Variants in ZSCAN32 observed in about 807,000 individuals in gnomAD.
The protein encoded by ZSCAN32 is zinc finger and SCAN domain-containing protein 32.
A neutral mutation model predicts 47.4 loss-of-function variants in ZSCAN32; 52 were observed. The observed-to-expected ratio is 1.10, with a 90% CI of 0.88 to 1.38. The LOEUF (loss-of-function observed/expected upper bound fraction) is 1.38, where lower values mean the gene tolerates loss of function less well. ZSCAN32 is among the 40% of genes most tolerant of loss of function. The pLI is 0.00. For missense variants in ZSCAN32, 959 were observed against 846.0 expected (o/e 1.13, Z -1.66); for synonymous variants, 346 against 305.7 (o/e 1.13, Z -1.38).
chr16:3,396,290 CT>C (rs2150905804), intron 2 of ZSCAN32, among the ~76,000 whole-genome samples: 1 of 152,316 alleles, frequency 6.6e-6, no homozygotes, highest in Non-Finnish European at 1.5e-5. Context: ...CTCTTCCCCT[CT>C]CTAAATTAAG....
Position 3,397,260 on chromosome 16 carries a change from G to A in ZSCAN32, c.298C>T (p.Gln100Ter). The change falls in exon 2 of 7, where the codon CAG (glutamine) becomes TAG (stop). Residue 100 changes from glutamine to a stop codon, truncating the protein, a stop_gained. Transcript: ENST00000396852. LOFTEE classifies it high-confidence loss of function. ...GCTTCCTCGCCGTTTTCTGGATGCT[G>A]CTCCCTCACCCAGGTCTGGATCTCC... ...PEEIQTWVRE[Q>*]HPENGEEAVA... 6.4e-7 allele frequency: 1 copy of A among 1,567,216 alleles called. No individual in the cohort carries two copies. The highest frequency in any genetic ancestry group is 1.2e-5 in the South Asian group (1 of 85,364).
rs1287897853 is a variant in ZSCAN32, at chr16:3,397,263, C to T, written c.295G>A (p.Glu99Lys). Residue 99 changes from glutamate to lysine, a missense_variant, in exon 2 of 7, where the codon GAG becomes AAG. Coordinates refer to ENST00000396852, the MANE Select transcript of ZSCAN32 (RefSeq NM_001284527.2). ...TCCTCGCCGTTTTCTGGATGCTGCT[C>T]CCTCACCCAGGTCTGGATCTCCTCT... The part of the protein sequence containing the change: ...LPEEIQTWVR[E>K]QHPENGEEAV... The T allele has an allele frequency of 1.3e-6, 2 of 1,568,130 alleles. No homozygotes were observed. Among genetic ancestry groups the T allele is most frequent in the Non-Finnish European group, 8.6e-7 (1 of 1,156,716 alleles).
At position 3,385,844 on chromosome 16, in the gene ZSCAN32, G is replaced by A. The variant is rs879372305; in HGVS notation, c.752-903C>T. On this transcript the variant is annotated intron_variant, in intron 5 of 6. Coordinates refer to ENST00000396852, the MANE Select transcript of ZSCAN32 (RefSeq NM_001284527.2). ...TAGACCTAAAACCATAAAAACCCTA[G>A]AAGAAAACCTAGGCATTACCATTCA... is the stretch of plus-strand genomic sequence containing the variant. 3.6e-3 allele frequency among the ~76,000 whole-genome samples: 547 copies of A among 152,244 alleles called. 4 individuals are homozygous for A. Among genetic ancestry groups the A allele is most frequent in the Non-Finnish European group, 6.0e-3 (411 of 68,012 alleles).
rs151269457 is a variant in ZSCAN32, at chr16:3,384,784, T to C, written c.909A>G (p.Pro303=). 1.2e-5 allele frequency: 19 copies of C among 1,614,196 alleles called. No individual in the cohort carries two copies. The highest frequency in any genetic ancestry group is 8.9e-5 in the East Asian group (4 of 44,886). The part of the protein sequence containing the change: ...GLWEQGFLRT[P]EQCRTKFKSL... Reference sequence around the variant, plus strand: ...TTTTGAACTTGGTGCGACACTGTTCTGGGGTCCGCAGAAAACCCTGCTCCC... The same window carrying C: ...TTTTGAACTTGGTGCGACACTGTTCCGGGGTCCGCAGAAAACCCTGCTCCC... Residue 303 remains proline (P), a synonymous_variant, in exon 6 of 7, where the codon CCA becomes CCG. Coordinates refer to ENST00000396852, the MANE Select transcript of ZSCAN32 (RefSeq NM_001284527.2).
chr16:3,397,404 G>A lies in ZSCAN32; in HGVS notation c.154C>T (p.His52Tyr), dbSNP rs778312012. Residue 52 changes from histidine to tyrosine, a missense_variant, in exon 2 of 7, where the codon CAT becomes TAT. Physicochemically the swap from His to Tyr is moderately conservative, Grantham distance 83. Coordinates refer to ENST00000396852, the MANE Select transcript of ZSCAN32 (RefSeq NM_001284527.2). ...TCCCAGAGTTTGCTAAAAGCTTCATGTGGGCCAGTTACCTCCTGGTAGCAA... is the reference window on the plus strand; with the variant it reads ...TCCCAGAGTTTGCTAAAAGCTTCATATGGGCCAGTTACCTCCTGGTAGCAA... ...QFCYQEVTGP[H>Y]EAFSKLWELC... is the part of the protein sequence containing the mutation. The A allele has an allele frequency of 2.6e-5, 41 of 1,552,974 alleles. No individual in the cohort carries two copies. Among genetic ancestry groups the A allele is most frequent in the Admixed American group, 2.0e-5 (1 of 51,134 alleles).
rs141913816 is a variant in ZSCAN32 at position 3,384,465 on chromosome 16, T to C, written c.1228A>G (p.Arg410Gly). ...AGAGCCAAGGGAGTCTTACCAAGTCTGTTTGGGAACAGCACTGGCAGGTCT... is the reference window on the plus strand; with the variant it reads ...AGAGCCAAGGGAGTCTTACCAAGTCCGTTTGGGAACAGCACTGGCAGGTCT... ...KLDLPVLFPN[R>G]LGFEFKNEIK... is the part of the protein sequence containing the mutation. The change falls in exon 6 of 7, where the codon AGA becomes GGA. Residue 410 changes from arginine (R) to glycine (G), a missense_variant. Transcript: ENST00000396852. 3.7e-6 allele frequency: 6 copies of C among 1,614,058 alleles called. No individual in the cohort carries two copies. The highest frequency in any genetic ancestry group is 5.1e-6 in the Non-Finnish European group (6 of 1,180,022).
At position 3,382,784 on chromosome 16, in the gene ZSCAN32, T is replaced by C; in HGVS notation, c.*68A>G. Reference sequence around the variant, plus strand: ...TGCAAAGTCAGGGACTGGCTAGATCTCTCCACAGCAGAAGAAAGCTCATAC... The same window carrying C: ...TGCAAAGTCAGGGACTGGCTAGATCCCTCCACAGCAGAAGAAAGCTCATAC... On this transcript the variant is annotated 3_prime_UTR_variant, in exon 7 of 7. Coordinates refer to ENST00000396852, the MANE Select transcript of ZSCAN32 (RefSeq NM_001284527.2). 6.6e-7 allele frequency: 1 copy of C among 1,512,888 alleles called. No individual in the cohort carries two copies. The highest frequency in any genetic ancestry group is 8.8e-7 in the Non-Finnish European group (1 of 1,131,040). 93.7% of individuals were successfully genotyped at this position (1,512,888 alleles called of 1,614,324 possible).
At chr16:3,389,956 T>A in intron 5 of ZSCAN32, 54 bp downstream of exon 5, 1 of 1,520,740 alleles carries the variant, frequency 6.6e-7, no homozygotes, top group Non-Finnish European at 8.9e-7. Context: ...CCTTTCAGCC[T>A]CTCTGAACAA....
In ZSCAN32 at chr16:3,393,741, A is replaced by C; in HGVS notation, c.440T>G (p.Leu147Arg). The change falls in exon 3 of 7, where the codon CTG becomes CGG. Residue 147 changes from leucine (L) to arginine (R), a missense_variant. Coordinates refer to ENST00000396852, the MANE Select transcript of ZSCAN32 (RefSeq NM_001284527.2). ...MAPLGATRES[L>R]RSQWKQEVQP... ...AACCTCCTGTTTCCATTGGGATCTCAGTGATTCTCTGGTTGCTCCCAAAGG... is the reference window on the plus strand; with the variant it reads ...AACCTCCTGTTTCCATTGGGATCTCCGTGATTCTCTGGTTGCTCCCAAAGG... 1 of 1,550,470 alleles carries C rather than the reference A, an allele frequency of 6.4e-7. No homozygotes were observed. Among genetic ancestry groups the C allele is most frequent in the African/African-American group, 1.4e-5 (1 of 73,128 alleles).
At chr16:3,398,488 C>T (rs965602391) in intron 1 of ZSCAN32, among the ~76,000 whole-genome samples, 1 of 152,194 alleles carries the variant, frequency 6.6e-6, no homozygotes, top group Non-Finnish European at 1.5e-5. Context: ...TTAGCCGGTT[C>T]TGTGCGTATT....
intron 1 of ZSCAN32, among the ~76,000 whole-genome samples, chr16:3,399,821 G>A (rs111379820): frequency 1.6e-4 from 24 of 152,170 alleles, no homozygotes; most frequent in Admixed American, 3.9e-4. Flanking sequence ...GCCCAGGCTG[G>A]TCTCAAACTC....
chr16:3,385,271 A>C (rs113988815), intron 5 of ZSCAN32, among the ~76,000 whole-genome samples: 3,789 of 152,268 alleles, frequency 0.025, 128 homozygotes, highest in African/African-American at 0.076. Context: ...GGTTGCAGTG[A>C]GCTGAGATTG....
At chr16:3,383,796 A>G in intron 6 of ZSCAN32, 85 bp from the exon 7 acceptor site, 1 of 1,323,788 alleles carries the variant, frequency 7.6e-7, no homozygotes, top group East Asian at 2.4e-5. Context: ...TACTACGTAG[A>G]AGAAATATCT....
chr16:3,395,954 T>C (rs1005313520), intron 2 of ZSCAN32, among the ~76,000 whole-genome samples: 15 of 152,166 alleles, frequency 9.9e-5, no homozygotes, highest in African/African-American at 2.9e-4. Flanking sequence ...GCCGCATTCA[T>C]GCCACTGCAC....
chr16:3,387,992 G>A (rs2032214993), intron 5 of ZSCAN32, among the ~76,000 whole-genome samples: 1 of 152,118 alleles, frequency 6.6e-6, no homozygotes, highest in African/African-American at 2.4e-5. Flanking sequence ...ATTTCACTCA[G>A]AAGAAAAAAG....
chr16:3,397,311 C>G lies in ZSCAN32; in HGVS notation c.247G>C (p.Glu83Gln). The G allele has an allele frequency of 6.4e-7, 1 of 1,570,942 alleles. No individual in the cohort carries two copies. Among genetic ancestry groups the G allele is most frequent in the African/African-American group, 1.4e-5 (1 of 73,854 alleles). Residue 83 changes from glutamate (E) to glutamine (Q), a missense_variant, in exon 2 of 7, where the codon GAG (glutamate) becomes CAG (glutamine). Coordinates refer to ENST00000396852, the MANE Select transcript of ZSCAN32 (RefSeq NM_001284527.2). ...KEEILELLVL[E>Q]QFLTILPEEI... ...TCTGGCAAGATAGTCAGAAACTGCT[C>G]CAAAACCAGCAGCTCCAGGATTTCC...
chr16:3,384,748 C>A lies in ZSCAN32; in HGVS notation c.945G>T (p.Leu315Phe), dbSNP rs2031737335. The change falls in exon 6 of 7, where the codon TTG becomes TTT. Residue 315 changes from leucine to phenylalanine, a missense_variant. Leu to Phe is a conservative substitution (Grantham distance 22). Transcript: ENST00000396852. ...GGCCTCTCCTCACTTTGCGGTAACT[C>A]AACTGTAGGCTTTTGAACTTGGTGC... ...QCRTKFKSLQ[L>F]SYRKVRRGRV... 1 of 1,614,080 alleles carries A rather than the reference C, an allele frequency of 6.2e-7. No individual in the cohort carries two copies. The highest frequency in any genetic ancestry group is 8.5e-7 in the Non-Finnish European group (1 of 1,180,052).
rs767674452 is a variant in ZSCAN32 at position 3,383,142 on chromosome 16, C to T, written c.1804G>A (p.Glu602Lys). ...CAGACAATGCACTGGTAAGGCTTTT[C>T]CCCGGTATGGGTCCTCTGGTGGACA... ...LIVHQRTHTG[E>K]KPYQCIVCGK... Residue 602 changes from glutamate to lysine, a missense_variant, in exon 7 of 7, where the codon GAA becomes AAA. Transcript: ENST00000396852. The T allele has an allele frequency of 2.5e-6, 4 of 1,614,044 alleles. No homozygotes were observed. The highest frequency in any genetic ancestry group is 4.5e-5 in the East Asian group (2 of 44,892).
intron 5 of ZSCAN32, among the ~76,000 whole-genome samples, chr16:3,386,054 G>A (rs1055099873): frequency 1.3e-5 from 2 of 152,108 alleles, no homozygotes; most frequent in East Asian, 3.9e-4. Flanking sequence ...ATCTGACAAA[G>A]GGCTAATATC....
Sources: allele counts gnomAD v4.1 joint callset (sites outside exome capture counted in the v4.1 genomes callset), GRCh38; gene constraint gnomAD v4.1.1; transcripts MANE v1.5; gene names NCBI Gene and HGNC (gene_info 2026-07-23, HGNC 2026-07-21).